RIC3: variants seen among roughly 807,000 people sequenced by gnomAD.
RIC3 encodes RIC3 acetylcholine receptor chaperone.
In RIC3, 28 loss-of-function variants were observed where a neutral mutation model predicts 27.3. The observed-to-expected ratio is 1.02, with a 90% CI of 0.76 to 1.41. The LOEUF (loss-of-function observed/expected upper bound fraction) is 1.41, where lower values mean the gene tolerates loss of function less well. Ranked by LOEUF, RIC3 falls within the 40% of genes most tolerant of loss-of-function variation. RIC3 has a pLI of 0.00. For synonymous variants in RIC3, 184 were observed against 160.4 expected (o/e 1.15, Z -1.11); for missense variants, 501 against 444.7 (o/e 1.13, Z -1.14).
At chr11:8,159,644 A>G (rs1047435521) in intron 1 of RIC3, among the ~76,000 whole-genome samples, 1 of 152,190 alleles carries the variant, frequency 6.6e-6, no homozygotes, top group Non-Finnish European at 1.5e-5. Context: ...GTGGGACTCT[A>G]AAAGCAGTTT....
intron 2 of RIC3, chr11:8,138,627 CA>C (rs1237595115): frequency 2.5e-6 from 1 of 396,330 alleles, no homozygotes; most frequent in East Asian, 4.7e-5. Context: ...CTCTTAGAAG[CA>C]AAATTTATTC....
At chr11:8,155,200 C>T (rs984888600) in intron 1 of RIC3, among the ~76,000 whole-genome samples, 1 of 130,324 alleles carries the variant, frequency 7.7e-6, no homozygotes, top group Non-Finnish European at 1.6e-5. Context: ...TCAGCCTGGG[C>T]AACAGGAGAC....
At chr11:8,146,064 T>C (rs1949645289) in intron 1 of RIC3, among the ~76,000 whole-genome samples, 1 of 152,180 alleles carries the variant, frequency 6.6e-6, no homozygotes, top group Admixed American at 6.5e-5. Flanking sequence ...TAAGGTTATA[T>C]ATATGTGAAC....
intron 4 of RIC3, among the ~76,000 whole-genome samples, chr11:8,131,127 C>T (rs1477010552): frequency 6.6e-6 from 1 of 152,130 alleles, no homozygotes; most frequent in Non-Finnish European, 1.5e-5. Flanking sequence ...CACTCACTCA[C>T]TCACTCACTC....
In RIC3 at chr11:8,108,077, T is replaced by C. The variant is rs774003935; in HGVS notation, c.*2621A>G. The C allele has an allele frequency of 1.3e-5, 2 of 152,164 alleles. No individual in the cohort carries two copies. Among genetic ancestry groups the C allele is most frequent in the Non-Finnish European group, 2.9e-5 (2 of 68,034 alleles). The allele number at this position is 152,164 out of a possible 1,614,324, so 9.4% of individuals were successfully genotyped here. A position where few individuals can be genotyped will look rare whatever the true frequency, so the allele number is the denominator to read the frequency against. On this transcript the variant is annotated 3_prime_UTR_variant, in exon 6 of 6. Coordinates refer to ENST00000309737, the MANE Select transcript of RIC3 (RefSeq NM_001206671.4). ...TACATCCAAATGTCTGATATATAAA[T>C]ACACAAATATATTCCTTATATATAA...
At chr11:8,128,371 A>G (rs1947242100) in intron 4 of RIC3, 1 of 420,858 alleles carries the variant, frequency 2.4e-6, no homozygotes, top group South Asian at 1.7e-5. Context: ...GAGGATGGGT[A>G]GACTACAGGA....
chr11:8,142,173 A>G (rs1397216329), intron 1 of RIC3, among the ~76,000 whole-genome samples: 1 of 140,300 alleles, frequency 7.1e-6, no homozygotes, highest in Non-Finnish European at 1.5e-5. Context: ...AAATAACTAA[A>G]ATCAGAGCAG....
In RIC3 at chr11:8,120,725, G is replaced by A. The variant is rs1946348418; in HGVS notation, c.670+5934C>T. 2.0e-5 allele frequency among the ~76,000 whole-genome samples: 3 copies of A among 150,964 alleles called. No homozygotes were observed. The East Asian group carries it at 5.9e-4, about 29-fold the overall frequency. On this transcript the variant is annotated intron_variant, in intron 5 of 5. Coordinates refer to ENST00000309737, the MANE Select transcript of RIC3 (RefSeq NM_001206671.4). Reference sequence around the variant, plus strand: ...AAATATAATTTAAAAAAAAAAGAAAGAAAATAAAACAAATTTCCAGACAGA... The same window carrying A: ...AAATATAATTTAAAAAAAAAAGAAAAAAAATAAAACAAATTTCCAGACAGA...
At chr11:8,115,269 G>A (rs1266828750) in intron 5 of RIC3, among the ~76,000 whole-genome samples, 2 of 151,066 alleles carry the variant, frequency 1.3e-5, no homozygotes, top group Non-Finnish European at 2.9e-5. Context: ...CCAGAAAAGA[G>A]TGGGATAATA....
At chr11:8,164,856 T>C (rs1409055079) in intron 1 of RIC3, among the ~76,000 whole-genome samples, 1 of 149,350 alleles carries the variant, frequency 6.7e-6, no homozygotes, top group Admixed American at 6.7e-5. Flanking sequence ...TGAATAGACA[T>C]TTCTCCAAAA....
At chr11:8,134,403 C>A (rs1246849219) in intron 4 of RIC3, among the ~76,000 whole-genome samples, 1 of 152,166 alleles carries the variant, frequency 6.6e-6, no homozygotes, top group African/African-American at 2.4e-5. Flanking sequence ...CATTGATGGA[C>A]ATCTGGGTTG....
chr11:8,158,128 T>C (rs1458109127), intron 1 of RIC3, among the ~76,000 whole-genome samples: 1 of 152,174 alleles, frequency 6.6e-6, no homozygotes, highest in Admixed American at 6.5e-5. Context: ...TATGTATGTA[T>C]ATGTATGTCA....
At chr11:8,104,927 G>GTTTTTTTTTT (rs764446328), downstream of RIC3, 5 of 144,104 alleles carry the variant, frequency 3.5e-5, no homozygotes, top group Non-Finnish European at 3.0e-5. Context: ...GAAGCAGAAG[G>GTTTTTTTTTT]TTGTTTTTTT....
chr11:8,133,049 G>C (rs1054454260), intron 4 of RIC3, among the ~76,000 whole-genome samples: 2 of 152,158 alleles, frequency 1.3e-5, no homozygotes, highest in Non-Finnish European at 2.9e-5. Flanking sequence ...CCTTTATGAA[G>C]TGATTAGGAC....
chr11:8,113,574 G>C (rs1416663248), intron 5 of RIC3, among the ~76,000 whole-genome samples: 1 of 152,118 alleles, frequency 6.6e-6, no homozygotes, highest in Admixed American at 6.5e-5. Context: ...GGAGCCTGCA[G>C]ACACAGGCTC....
At position 8,110,659 on chromosome 11, in the gene RIC3, C is replaced by T. The variant is rs376160355; in HGVS notation, c.*39G>A. Reference sequence around the variant, plus strand: ...GGAAATCTGAGGAGAGAGAGGTCACCTTGGGACTTGAGTAATGGATACTTC... The same window carrying T: ...GGAAATCTGAGGAGAGAGAGGTCACTTTGGGACTTGAGTAATGGATACTTC... On this transcript the variant is annotated 3_prime_UTR_variant, in exon 6 of 6. Coordinates refer to ENST00000309737, the MANE Select transcript of RIC3 (RefSeq NM_001206671.4). 1.9e-6 allele frequency: 3 copies of T among 1,580,986 alleles called. No homozygotes were observed. The Admixed American group carries it at 5.0e-5, about 26-fold the overall frequency.
chr11:8,164,415 T>A (rs1300639456), intron 1 of RIC3, among the ~76,000 whole-genome samples: 1 of 152,018 alleles, frequency 6.6e-6, no homozygotes, highest in African/African-American at 2.4e-5. Flanking sequence ...GAAGAAAATA[T>A]TTGCAAATCA....
chr11:8,150,062 C>T (rs956738498), intron 1 of RIC3, among the ~76,000 whole-genome samples: 2 of 152,114 alleles, frequency 1.3e-5, no homozygotes, highest in African/African-American at 2.4e-5. Flanking sequence ...CCATGAAGGA[C>T]GTGTTTCTCC....
chr11:8,133,507 T>C (rs919866311), intron 4 of RIC3, among the ~76,000 whole-genome samples: 2 of 152,208 alleles, frequency 1.3e-5, no homozygotes, highest in Non-Finnish European at 2.9e-5. Context: ...GCCATGCTCT[T>C]TCTTCAGTGG....
Sources: allele counts gnomAD v4.1 joint callset (sites outside exome capture counted in the v4.1 genomes callset), GRCh38; gene constraint gnomAD v4.1.1; transcripts MANE v1.5; gene names NCBI Gene and HGNC (gene_info 2026-07-23, HGNC 2026-07-21).